The following ARHGAP36 variants were observed in gnomAD, a reference collection of about 807,000 sequenced individuals.
ARHGAP36 encodes the protein Rho GTPase activating protein 36, also known as rho GTPase-activating protein 36.
Under a neutral mutation model 32.9 loss-of-function variants are expected in ARHGAP36, and 7 were observed. The observed-to-expected ratio is 0.21, with a 90% CI of 0.12 to 0.40. The LOEUF (loss-of-function observed/expected upper bound fraction) is 0.40. ARHGAP36 is among the 10% of genes least tolerant of loss of function. The pLI is 1.00. For missense variants in ARHGAP36, 383 were observed against 442.2 expected (o/e 0.87, Z 1.20); for synonymous variants, 165 against 168.3 (o/e 0.98, Z 0.15).
Position 131,089,446 on chromosome X carries a change from G to T in ARHGAP36, c.*661G>T, listed in dbSNP as rs1200593303. 1 of 112,820 alleles carries T rather than the reference G, an allele frequency of 8.9e-6. No individual in the cohort carries two copies. The highest frequency in any genetic ancestry group is 3.2e-5 in the African/African-American group (1 of 31,033). 9.3% of individuals were successfully genotyped at this position (112,820 alleles called of 1,213,427 possible). A position where few individuals can be genotyped will look rare whatever the true frequency, so the allele number is the denominator to read the frequency against. On this transcript the variant is annotated 3_prime_UTR_variant, in exon 12 of 12. Transcript: ENST00000276211. ...CGCCAACAGGGAAACCTCAAGTGTA[G>T]GTCTAATTAGTGTTTCTGGGATCCA... is the stretch of plus-strand genomic sequence containing the variant.
At chrX:131,061,353 T>C (rs2079667869) in intron 1 of ARHGAP36, among the ~76,000 whole-genome samples, 1 of 111,072 alleles carries the variant, frequency 9.0e-6, no homozygotes. Context: ...TGGGCAACCA[T>C]AGGAAGGCAC....
chrX:131,085,415 C>T (rs1426818884), intron 7 of ARHGAP36, among the ~76,000 whole-genome samples, 173 bp from the exon 8 acceptor site: 1 of 109,290 alleles, frequency 9.1e-6, no homozygotes, highest in Non-Finnish European at 1.9e-5. Context: ...TATGGGGGCA[C>T]TTCTTGCTTT....
chrX:131,075,621 ATATGTGTGTGTGTGTGTG>A (rs1301779538), intron 1 of ARHGAP36, among the ~76,000 whole-genome samples: 11 of 28,379 alleles, frequency 3.9e-4, no homozygotes, highest in African/African-American at 1.2e-3. Flanking sequence ...GTGTGTATAT[ATATGTGTGTGTGTGTGTG>A]TGTGTGTGTG....
intron 2 of ARHGAP36, among the ~76,000 whole-genome samples, chrX:131,082,381 G>C (rs1469728331): frequency 8.9e-6 from 1 of 112,865 alleles, no homozygotes; most frequent in Non-Finnish European, 1.9e-5. Context: ...CGGTGAACGG[G>C]AGGGCGGTGC....
chrX:131,087,970 T>C (rs1461036597), intron 11 of ARHGAP36, among the ~76,000 whole-genome samples: 1 of 112,132 alleles, frequency 8.9e-6, no homozygotes, highest in Non-Finnish European at 1.9e-5. Context: ...ATGTCTCCAT[T>C]CTCAATACAA....
chrX:131,058,749 G>A (rs1190718745), intron 1 of ARHGAP36, among the ~76,000 whole-genome samples: 1 of 113,304 alleles, frequency 8.8e-6, no homozygotes, highest in African/African-American at 3.2e-5. Flanking sequence ...AGACGCGCAG[G>A]AGCGGCGTCC....
In ARHGAP36 at chrX:131,086,365, G is replaced by T. The variant is rs1191757469; in HGVS notation, c.1318G>T (p.Val440Leu). ...PHIQRQVAKR[V>L]WKSSPEALDF... ...TATTCAGAGGCAGGTTGCTAAGCGCGTGTGGAAGTCCAGCCCGGAAGCACT... is the reference window on the plus strand; with the variant it reads ...TATTCAGAGGCAGGTTGCTAAGCGCTTGTGGAAGTCCAGCCCGGAAGCACT... Residue 440 changes from valine to leucine, a missense_variant, in exon 10 of 12, where the codon GTG becomes TTG. Physicochemically the swap from Val to Leu is conservative, Grantham distance 32. Transcript: ENST00000276211. The T allele has an allele frequency of 4.1e-6, 5 of 1,212,039 alleles. No individual in the cohort carries two copies. Among genetic ancestry groups the T allele is most frequent in the East Asian group, 5.9e-5 (2 of 33,852 alleles).
intron 1 of ARHGAP36, among the ~76,000 whole-genome samples, chrX:131,069,735 C>G (rs2079723165): frequency 8.9e-6 from 1 of 111,817 alleles, no homozygotes; most frequent in South Asian, 3.8e-4. Context: ...ACAAGAGAAT[C>G]CAGGTCACAA....
At chrX:131,085,273 C>A (rs1411288388) in intron 7 of ARHGAP36, among the ~76,000 whole-genome samples, 1 of 108,397 alleles carries the variant, frequency 9.2e-6, no homozygotes, top group African/African-American at 3.4e-5. Context: ...GGGTTACTTT[C>A]TTTGTATTTC....
In ARHGAP36 at chrX:131,089,090, AATTG is replaced by A. The variant is rs1186891932; in HGVS notation, c.*308_*311del. The A allele has an allele frequency of 4.7e-6, 1 of 214,738 alleles. No individual in the cohort carries two copies. Among genetic ancestry groups the A allele is most frequent in the African/African-American group, 2.9e-5 (1 of 34,030 alleles). The allele number at this position is 214,738 out of a possible 1,213,427, so 17.7% of individuals were successfully genotyped here. On this transcript the variant is annotated 3_prime_UTR_variant, in exon 12 of 12. Coordinates refer to ENST00000276211, the MANE Select transcript of ARHGAP36 (RefSeq NM_144967.4). Reference sequence around the variant, plus strand: ...TCTCTCTCTCTGCAGACTTTCCTTTAATTGATGTGACATTTGTGGTAAACACCTT... The same window carrying A: ...TCTCTCTCTCTGCAGACTTTCCTTTAATGTGACATTTGTGGTAAACACCTT...
chrX:131,077,859 C>T (rs2079772836), intron 1 of ARHGAP36, among the ~76,000 whole-genome samples: 1 of 104,966 alleles, frequency 9.5e-6, no homozygotes, highest in Non-Finnish European at 1.9e-5. Context: ...AATTTTGAGA[C>T]ATACAGGCAC....
At chrX:131,060,143 C>T (rs1280156341) in intron 1 of ARHGAP36, among the ~76,000 whole-genome samples, 1 of 111,428 alleles carries the variant, frequency 9.0e-6, no homozygotes, top group East Asian at 2.8e-4. Flanking sequence ...CAAACTTCCC[C>T]AGTTTCTTCA....
chrX:131,072,282 A>G (rs1253757304), intron 1 of ARHGAP36, among the ~76,000 whole-genome samples: 2 of 112,214 alleles, frequency 1.8e-5, no homozygotes, highest in African/African-American at 6.5e-5. Context: ...ACTTTGAAAA[A>G]AATGACCTTT....
intron 1 of ARHGAP36, among the ~76,000 whole-genome samples, chrX:131,065,342 G>A: frequency 9.0e-6 from 1 of 111,667 alleles, no homozygotes; most frequent in South Asian, 3.8e-4. Flanking sequence ...TTACACAACA[G>A]GATTTAGATG....
chrX:131,075,783 C>G (rs149174630), intron 1 of ARHGAP36, among the ~76,000 whole-genome samples: 1 of 110,906 alleles, frequency 9.0e-6, no homozygotes, highest in African/African-American at 3.3e-5. Flanking sequence ...TTTCCCAGTT[C>G]CAGGCAGCAG....
chrX:131,072,033 T>C (rs1286677564), intron 1 of ARHGAP36, among the ~76,000 whole-genome samples: 2 of 112,210 alleles, frequency 1.8e-5, no homozygotes, highest in African/African-American at 6.5e-5. Context: ...GATTTGTATA[T>C]ATGATTGGTG....
At chrX:131,070,272 C>A (rs913968198) in intron 1 of ARHGAP36, among the ~76,000 whole-genome samples, 1 of 112,178 alleles carries the variant, frequency 8.9e-6, no homozygotes, top group Admixed American at 9.4e-5. Context: ...GAGGCCCTGG[C>A]CAGCTAGAGG....
At chrX:131,064,319 C>G (rs2079685748) in intron 1 of ARHGAP36, among the ~76,000 whole-genome samples, 1 of 111,166 alleles carries the variant, frequency 9.0e-6, no homozygotes, top group African/African-American at 3.3e-5. Context: ...AGGTCCAGTT[C>G]TTCCGGGGCT....
At chrX:131,085,512 A>G in intron 7 of ARHGAP36, 76 bp from the exon 8 acceptor site, 1 of 1,112,315 alleles carries the variant, frequency 9.0e-7, no homozygotes, top group Non-Finnish European at 1.2e-6. Flanking sequence ...AGTTTCAAGC[A>G]GAATCTCACC....
Sources: allele counts gnomAD v4.1 joint callset (sites outside exome capture counted in the v4.1 genomes callset), GRCh38; gene constraint gnomAD v4.1.1; transcripts MANE v1.5; gene names NCBI Gene and HGNC (gene_info 2026-07-23, HGNC 2026-07-21).